The following ALG6 variants were observed in gnomAD, a reference collection of about 807,000 sequenced individuals.
The protein encoded by ALG6 is ALG6 alpha-1,3-glucosyltransferase.
In ALG6, 46 loss-of-function variants were observed where a neutral mutation model predicts 66.6. The observed-to-expected ratio is 0.69, with a 90% CI of 0.55 to 0.88. The LOEUF is 0.88. ALG6 is among the 40% of genes least tolerant of loss of function. ALG6 has a pLI of 0.00. For missense variants in ALG6, 505 were observed against 586.8 expected, an observed-to-expected ratio of 0.86 and a Z score of 1.44; for synonymous variants, 185 against 203.7, an observed-to-expected ratio of 0.91 and a Z score of 0.78.
intron 2 of ALG6, among the ~76,000 whole-genome samples, chr1:63,373,317 C>T (rs1474046422): frequency 6.6e-6 from 1 of 150,770 alleles, no homozygotes; most frequent in East Asian, 2.0e-4. Flanking sequence ...AATATTTTAA[C>T]CAGACTATAG....
intron 14 of ALG6, among the ~76,000 whole-genome samples, chr1:63,434,844 A>G (rs189093595): frequency 6.6e-6 from 1 of 152,312 alleles, no homozygotes; most frequent in African/African-American, 2.4e-5. Context: ...TAAGAGGAAT[A>G]GGTACGAAGC....
rs150091374 is a variant in ALG6 at position 63,395,550 on chromosome 1, G to A, written c.83-963G>A. On this transcript the variant is annotated intron_variant, in intron 2 of 14. Coordinates refer to ENST00000263440, the MANE Select transcript of ALG6 (RefSeq NM_013339.4). ...TCTCTAATAAAAATACAAAAATTAGGCAGTTATGGTGGCACACGCCTATAA... is the reference window on the plus strand; with the variant it reads ...TCTCTAATAAAAATACAAAAATTAGACAGTTATGGTGGCACACGCCTATAA... Among the ~76,000 whole-genome samples the A allele has an allele frequency of 7.4e-3, 1,127 of 152,126 alleles. 11 individuals are homozygous for A. The highest frequency in any genetic ancestry group is 0.024 in the African/African-American group (1,015 of 41,504).
chr1:63,380,840 C>T (rs1648276831), intron 2 of ALG6, among the ~76,000 whole-genome samples: 1 of 152,178 alleles, frequency 6.6e-6, no homozygotes, highest in Admixed American at 6.5e-5. Flanking sequence ...AGGACTCCAG[C>T]TACTTATTTT....
chr1:63,371,756 G>C (rs528129887), intron 2 of ALG6, among the ~76,000 whole-genome samples: 3 of 151,890 alleles, frequency 2.0e-5, no homozygotes, highest in Non-Finnish European at 2.9e-5. Flanking sequence ...AGATGCACGC[G>C]ACCATGCCCA....
intron 12 of ALG6, among the ~76,000 whole-genome samples, chr1:63,420,013 A>T (rs1190734789): frequency 6.6e-6 from 1 of 152,180 alleles, no homozygotes; most frequent in Non-Finnish European, 1.5e-5. Flanking sequence ...ACCCTTTGGA[A>T]TACTGAAATC....
chr1:63,389,560 C>T (rs1461825535), intron 2 of ALG6, among the ~76,000 whole-genome samples: 1 of 152,220 alleles, frequency 6.6e-6, no homozygotes, highest in Non-Finnish European at 1.5e-5. Context: ...ACCTCTATCA[C>T]TCTGAGATTG....
chr1:63,433,901 C>T lies in ALG6; in HGVS notation c.1327-2922C>T, dbSNP rs147271500. The stretch of plus-strand genomic sequence containing the variant: ...GCAAGGGAGAAATCGATATGATATG[C>T]AGGAGGGATGAATGCAATTTTAAAG... On this transcript the variant is annotated intron_variant, in intron 14 of 14. Transcript: ENST00000263440. This position sits in a 1 kb window ranked among gnomAD's most constrained non-coding sequence, Gnocchi z 4.2. Among the ~76,000 whole-genome samples, 1,103 of 152,214 alleles carry T rather than the reference C, an allele frequency of 7.2e-3. 19 individuals are homozygous for T. The highest frequency in any genetic ancestry group is 7.5e-3 in the Non-Finnish European group (509 of 68,008).
At chr1:63,381,481 A>C (rs2100389458) in intron 2 of ALG6, among the ~76,000 whole-genome samples, 1 of 151,952 alleles carries the variant, frequency 6.6e-6, no homozygotes, top group East Asian at 1.9e-4. Flanking sequence ...AAAAACAAAA[A>C]CAAAACCCCA....
Position 63,427,649 on chromosome 1 carries a change from C to A in ALG6, c.1059-1084C>A, listed in dbSNP as rs75174146. ...TCAAGGTCACACAGTAAATAAAGGGCAAACATGGGGACCAGGACTCAGGGC... is the reference window on the plus strand; with the variant it reads ...TCAAGGTCACACAGTAAATAAAGGGAAAACATGGGGACCAGGACTCAGGGC... On this transcript the variant is annotated intron_variant, in intron 12 of 14. Coordinates refer to ENST00000263440, the MANE Select transcript of ALG6 (RefSeq NM_013339.4). 9.6e-3 allele frequency among the ~76,000 whole-genome samples: 1,461 copies of A among 151,974 alleles called. 21 individuals carry two copies. Among genetic ancestry groups the A allele is most frequent in the African/African-American group, 0.033 (1,349 of 41,444 alleles).
chr1:63,427,023 A>G (rs1212420623), intron 12 of ALG6, among the ~76,000 whole-genome samples: 2 of 152,114 alleles, frequency 1.3e-5, no homozygotes, highest in African/African-American at 4.8e-5. Flanking sequence ...TTTCTTTGAG[A>G]TGGAGTCTTG....
chr1:63,413,131 A>G (rs534081653), intron 9 of ALG6, among the ~76,000 whole-genome samples: 1 of 152,260 alleles, frequency 6.6e-6, no homozygotes, highest in East Asian at 1.9e-4. Context: ...TGTGGTAGCT[A>G]TTGTCTCCAC....
At chr1:63,391,004 G>A (rs1648657253) in intron 2 of ALG6, among the ~76,000 whole-genome samples, 1 of 152,132 alleles carries the variant, frequency 6.6e-6, no homozygotes, top group Admixed American at 6.5e-5. Context: ...ACTTTCTTGT[G>A]GGGATAGCTG....
At chr1:63,427,229 G>A (rs1255113335) in intron 12 of ALG6, among the ~76,000 whole-genome samples, 1 of 147,986 alleles carries the variant, frequency 6.8e-6, no homozygotes. Context: ...TGGCCAGGAT[G>A]GTCTTGAACT....
chr1:63,404,012 A>T (rs1222651748), intron 4 of ALG6, among the ~76,000 whole-genome samples: 2 of 152,196 alleles, frequency 1.3e-5, no homozygotes, highest in Non-Finnish European at 1.5e-5. Flanking sequence ...AATTTCATTT[A>T]ACAATTGTGT....
intron 11 of ALG6, among the ~76,000 whole-genome samples, chr1:63,418,081 T>C (rs923474155): frequency 4.1e-5 from 6 of 147,908 alleles, no homozygotes; most frequent in Non-Finnish European, 7.4e-5. Context: ...TTGCGGCGAG[T>C]GGAGATTGCG....
rs554347761 is a variant in ALG6 at position 63,424,265 on chromosome 1, C to T, written c.1059-4468C>T. ...AAGTGATTCTCCTGCCTCAGCCTCC[C>T]GAGTAGCTGGGACTACAGGCGCGTG... On this transcript the variant is annotated intron_variant, in intron 12 of 14. Transcript: ENST00000263440. Among the ~76,000 whole-genome samples the T allele has an allele frequency of 4.6e-5, 7 of 152,250 alleles. No individual in the cohort carries two copies. In the South Asian group the frequency reaches 1.0e-3, roughly 23 times the overall value.
At chr1:63,411,358 C>T in intron 8 of ALG6, 27 bp downstream of exon 8, 2 of 1,600,132 alleles carry the variant, frequency 1.2e-6, no homozygotes, top group Non-Finnish European at 1.7e-6. Flanking sequence ...CACTAGAATC[C>T]AAAAATTTAC....
At chr1:63,422,142 T>A (rs1302759255) in intron 12 of ALG6, among the ~76,000 whole-genome samples, 1 of 56,104 alleles carries the variant, frequency 1.8e-5, no homozygotes, top group East Asian at 8.0e-4. Flanking sequence ...TATATAAATA[T>A]ATATAAATAT....
chr1:63,384,373 C>T (rs2100392886), intron 2 of ALG6, among the ~76,000 whole-genome samples: 1 of 152,026 alleles, frequency 6.6e-6, no homozygotes, highest in East Asian at 1.9e-4. Flanking sequence ...TGCTTGAATT[C>T]CTTATATATT....
Sources: gnomAD v4.1 joint callset for allele counts (sites outside exome capture counted in the v4.1 genomes callset) on GRCh38, gnomAD v4.1.1 for gene constraint, Gnocchi (gnomAD v3.1) non-coding constraint, MANE v1.5 for transcripts, NCBI Gene and HGNC (gene_info 2026-07-23, HGNC 2026-07-21) for gene names.